Variants in MACROD2 observed in about 807,000 individuals in gnomAD.
MACROD2 encodes ADP-ribose glycohydrolase MACROD2.
A neutral mutation model predicts 70.4 loss-of-function variants in MACROD2; 36 were observed. That is an observed-to-expected ratio of 0.51 (90% confidence interval 0.39 to 0.68). The LOEUF (loss-of-function observed/expected upper bound fraction) is 0.68, where lower values mean the gene tolerates loss of function less well. Ranked by LOEUF, MACROD2 falls within the 30% of genes least tolerant of loss-of-function variation. The probability of loss-of-function intolerance (pLI) is 0.00; values close to 1 mark genes in which losing one functional copy is unlikely to be tolerated. For synonymous variants in MACROD2, 172 were observed against 178.8 expected, an observed-to-expected ratio of 0.96 and a Z score of 0.30; for missense variants, 496 against 538.4, an observed-to-expected ratio of 0.92 and a Z score of 0.78.
chr20:15,491,073 C>T (rs2047225822), intron 7 of MACROD2, among the ~76,000 whole-genome samples: 1 of 152,130 alleles, frequency 6.6e-6, no homozygotes, highest in Non-Finnish European at 1.5e-5. Flanking sequence ...AGTAGAGTGA[C>T]TTATACATAA....
At chr20:15,724,381 C>A (rs1268749391) in intron 8 of MACROD2, among the ~76,000 whole-genome samples, 1 of 152,134 alleles carries the variant, frequency 6.6e-6, no homozygotes, top group Non-Finnish European at 1.5e-5. Context: ...GTATGCTATT[C>A]TCTAAGAGTC....
At chr20:15,736,225 A>G (rs183866581) in intron 8 of MACROD2, among the ~76,000 whole-genome samples, 22 of 152,320 alleles carry the variant, frequency 1.4e-4, no homozygotes, top group Admixed American at 4.6e-4. Context: ...TTAGAGTCAC[A>G]TTGGAATGAC....
At chr20:14,539,233 T>C (rs1481736061) in intron 4 of MACROD2, among the ~76,000 whole-genome samples, 1 of 152,228 alleles carries the variant, frequency 6.6e-6, no homozygotes, top group Non-Finnish European at 1.5e-5. Flanking sequence ...CATTTTTTTC[T>C]TTTATTTAGG....
chr20:14,481,373 G>A (rs35747430), intron 3 of MACROD2, among the ~76,000 whole-genome samples: 22,686 of 152,034 alleles, frequency 0.15, 2,403 homozygotes, highest in Non-Finnish European at 0.21. Context: ...GATATTAAAT[G>A]TAATATTTCA....
intron 16 of MACROD2, 75 bp downstream of exon 16, chr20:16,041,353 G>C: frequency 8.3e-7 from 1 of 1,202,358 alleles, no homozygotes; most frequent in African/African-American, 1.6e-5. Context: ...TAGGATTAAG[G>C]GAACTATCTG....
chr20:15,316,649 A>G (rs2077814115), intron 6 of MACROD2, among the ~76,000 whole-genome samples: 1 of 152,096 alleles, frequency 6.6e-6, no homozygotes, highest in South Asian at 2.1e-4. Flanking sequence ...TGAAATGGAG[A>G]CCAAGAAGGA....
chr20:15,510,281 A>G (rs116576250), intron 8 of MACROD2, among the ~76,000 whole-genome samples: 1 of 152,346 alleles, frequency 6.6e-6, no homozygotes, highest in African/African-American at 2.4e-5. Context: ...GGGAGGTCCT[A>G]CTGAAGGACA....
chr20:15,333,396 G>T (rs1196238670), intron 6 of MACROD2, among the ~76,000 whole-genome samples: 1 of 151,618 alleles, frequency 6.6e-6, no homozygotes, highest in Non-Finnish European at 1.5e-5. Context: ...CCTCGAAAGC[G>T]AATTGTTTCC....
At position 15,653,566 on chromosome 20, in the gene MACROD2, C is replaced by T. The variant is rs1178802136; in HGVS notation, c.645+153719C>T. On this transcript the variant is annotated intron_variant, in intron 8 of 17. Transcript: ENST00000684519. Reference sequence around the variant, plus strand: ...CAGTCATAAAAGTGTTTATTATCTCCGTAAGTCAGTCTAAACTCATAGTAG... The same window carrying T: ...CAGTCATAAAAGTGTTTATTATCTCTGTAAGTCAGTCTAAACTCATAGTAG... 2.6e-5 allele frequency among the ~76,000 whole-genome samples: 4 copies of T among 152,214 alleles called. No homozygotes were observed. The East Asian group carries it at 5.8e-4, about 22-fold the overall frequency.
chr20:14,387,536 C>G (rs1371285888), intron 3 of MACROD2, among the ~76,000 whole-genome samples: 3 of 152,102 alleles, frequency 2.0e-5, no homozygotes, highest in African/African-American at 7.2e-5. Context: ...TGCTTTAGCC[C>G]AATAGGGTTG....
At chr20:15,393,113 C>A (rs1016825199) in intron 6 of MACROD2, among the ~76,000 whole-genome samples, 1 of 152,046 alleles carries the variant, frequency 6.6e-6, no homozygotes, top group East Asian at 1.9e-4. Context: ...CTTTCTGATT[C>A]TCTGGCAACA....
chr20:15,121,969 A>G (rs1016320228), intron 5 of MACROD2, among the ~76,000 whole-genome samples: 1 of 152,162 alleles, frequency 6.6e-6, no homozygotes, highest in African/African-American at 2.4e-5. Context: ...GGAGTTACTC[A>G]AACATACCTA....
chr20:14,372,499 G>T (rs972532273), intron 3 of MACROD2, among the ~76,000 whole-genome samples: 3 of 151,718 alleles, frequency 2.0e-5, no homozygotes, highest in African/African-American at 7.3e-5. Flanking sequence ...TATATTTTTG[G>T]TTAAATATAA....
At chr20:15,820,690 C>T (rs571660936) in intron 8 of MACROD2, among the ~76,000 whole-genome samples, 1 of 152,090 alleles carries the variant, frequency 6.6e-6, no homozygotes, top group Admixed American at 6.6e-5. Context: ...CTTTTCTCTG[C>T]CTGAGAATTC....
At chr20:15,655,417 G>C (rs908265040) in intron 8 of MACROD2, among the ~76,000 whole-genome samples, 1 of 151,176 alleles carries the variant, frequency 6.6e-6, no homozygotes, top group Non-Finnish European at 1.5e-5. Context: ...ACAGCTGGAA[G>C]TAATAGAGCC....
At chr20:15,191,643 G>A (rs1278539853) in intron 5 of MACROD2, among the ~76,000 whole-genome samples, 1 of 152,150 alleles carries the variant, frequency 6.6e-6, no homozygotes, top group Non-Finnish European at 1.5e-5. Context: ...AGGCTGCAGG[G>A]CATAAGCCAT....
At chr20:15,196,978 C>T (rs1965206802) in intron 5 of MACROD2, 2 of 985,208 alleles carry the variant, frequency 2.0e-6, no homozygotes, top group African/African-American at 3.5e-5. Context: ...ATCCAAAGAG[C>T]ACATTTTTTG....
intron 8 of MACROD2, among the ~76,000 whole-genome samples, chr20:15,517,056 C>A (rs560872597): frequency 5.8e-4 from 88 of 152,240 alleles, no homozygotes; most frequent in Non-Finnish European, 9.6e-4. Flanking sequence ...AAAACTGTTT[C>A]TTTTGTAATC....
intron 5 of MACROD2, among the ~76,000 whole-genome samples, chr20:15,084,074 T>TTTTGTTTTTTTGTTTTTTTGG (rs11466981): frequency 8.5e-6 from 1 of 117,034 alleles, no homozygotes; most frequent in Non-Finnish European, 2.1e-5. Flanking sequence ...TTTTTTTTGT[T>TTTTGTTTTTTTGTTTTTTTGG]TTTTTTTTTT....
Sources: gnomAD v4.1 joint callset for allele counts (sites outside exome capture counted in the v4.1 genomes callset) on GRCh38, gnomAD v4.1.1 for gene constraint, MANE v1.5 for transcripts, NCBI Gene and HGNC (gene_info 2026-07-23, HGNC 2026-07-21) for gene names.